Variants in DAB1 observed in about 807,000 individuals in gnomAD.
DAB1 encodes disabled homolog 1.
In DAB1, 15 loss-of-function variants were observed where a neutral mutation model predicts 64.6. The ratio of observed to expected loss-of-function variants is 0.23; its 90% CI spans 0.16 to 0.36. The LOEUF (loss-of-function observed/expected upper bound fraction) is 0.36, where lower values mean the gene tolerates loss of function less well. DAB1 is among the 10% of genes least tolerant of loss of function. The pLI, the probability that DAB1 is intolerant of heterozygous loss-of-function variation, is 1.00. For missense variants in DAB1, 596 were observed against 706.7 expected, an observed-to-expected ratio of 0.84 and a Z score of 1.78; for synonymous variants, 235 against 251.9, an observed-to-expected ratio of 0.93 and a Z score of 0.64.
At position 58,476,066 on chromosome 1, in the gene DAB1, C is replaced by T. The variant is rs138843686; in HGVS notation, n.257+29994G>A. 3.3e-5 allele frequency among the ~76,000 whole-genome samples: 5 copies of T among 152,142 alleles called. No individual in the cohort carries two copies. The East Asian group carries it at 9.7e-4, about 29-fold the overall frequency. On this transcript the variant is annotated intron_variant and non_coding_transcript_variant, in intron 3 of 20. Coordinates refer to the DAB1 transcript ENST00000485760. Reference sequence around the variant, plus strand: ...ATTCTGAAGGAAGAAAAAAACAAATCTGATTTTAGACCAATGCTGCCCAGG... The same window carrying T: ...ATTCTGAAGGAAGAAAAAAACAAATTTGATTTTAGACCAATGCTGCCCAGG...
At chr1:57,192,902 A>T (rs1232798947) in intron 2 of DAB1, among the ~76,000 whole-genome samples, 1 of 152,208 alleles carries the variant, frequency 6.6e-6, no homozygotes, top group Non-Finnish European at 1.5e-5. Flanking sequence ...TAATTCTAGA[A>T]CATTTCTTTT....
intron 5 of DAB1, among the ~76,000 whole-genome samples, chr1:58,029,440 G>C (rs1365516621): frequency 6.6e-6 from 1 of 152,326 alleles, no homozygotes; most frequent in East Asian, 1.9e-4. Context: ...GCATTATCCA[G>C]CAGTGCGGAT....
At chr1:57,583,967 T>C (rs1405354493) in intron 7 of DAB1, among the ~76,000 whole-genome samples, 1 of 152,166 alleles carries the variant, frequency 6.6e-6, no homozygotes, top group Non-Finnish European at 1.5e-5. Flanking sequence ...GTGAACTAAA[T>C]ATGGCCTGAG....
intron 1 of DAB1, among the ~76,000 whole-genome samples, chr1:57,361,779 G>C (rs1679572741): frequency 6.6e-6 from 1 of 152,122 alleles, no homozygotes; most frequent in African/African-American, 2.4e-5. Context: ...ACTAAACAGA[G>C]CTGCATCCGA....
At chr1:57,605,795 ATT>A (rs11327517) in intron 7 of DAB1, 4,885 of 330,680 alleles carry the variant, frequency 0.015, 3 homozygotes, top group Middle Eastern at 0.024. Flanking sequence ...CATGATTTGC[ATT>A]TTTTTTTTTA....
rs986173683 is a variant in DAB1 at position 58,357,316 on chromosome 1, G to C, written n.258-13913C>G. Among the ~76,000 whole-genome samples the C allele has an allele frequency of 2.0e-5, 3 of 152,246 alleles. No homozygotes were observed. The East Asian group carries it at 5.8e-4, about 29-fold the overall frequency. On this transcript the variant is annotated intron_variant and non_coding_transcript_variant, in intron 3 of 20. Transcript: ENST00000485760. ...TGCACCAAACTGGCTGATAAATTGA[G>C]TGCTGGGGGTGAGGAAAAGAGAAAA...
intron 7 of DAB1, among the ~76,000 whole-genome samples, chr1:57,536,897 G>C (rs1317963861): frequency 2.0e-5 from 3 of 152,114 alleles, no homozygotes; most frequent in Non-Finnish European, 4.4e-5. Flanking sequence ...ATGGGGAATT[G>C]TGCCATGTCA....
intron 4 of DAB1, among the ~76,000 whole-genome samples, chr1:58,178,341 T>C (rs1014420896): frequency 5.3e-5 from 8 of 152,084 alleles, no homozygotes; most frequent in Admixed American, 5.2e-4. Flanking sequence ...CATGCACATA[T>C]ACGCTATTAT....
chr1:57,593,684 C>T (rs74665232), intron 7 of DAB1, among the ~76,000 whole-genome samples: 1,919 of 152,268 alleles, frequency 0.013, 57 homozygotes, highest in African/African-American at 0.045. Flanking sequence ...AACTTCAGGA[C>T]AGCAGTGCCT....
At chr1:58,069,520 C>T (rs577545889) in intron 5 of DAB1, among the ~76,000 whole-genome samples, 1 of 152,078 alleles carries the variant, frequency 6.6e-6, no homozygotes, top group Admixed American at 6.6e-5. Flanking sequence ...GGCAATTGTC[C>T]CTATTTTAAA....
intron 2 of DAB1, among the ~76,000 whole-genome samples, chr1:57,154,884 C>T (rs1660060776): frequency 6.6e-6 from 1 of 152,098 alleles, no homozygotes; most frequent in Admixed American, 6.6e-5. Flanking sequence ...AATTTTTGAT[C>T]AGCTTACTAG....
At chr1:57,003,687 C>T (rs1423548690) in intron 14 of DAB1, among the ~76,000 whole-genome samples, 1 of 152,180 alleles carries the variant, frequency 6.6e-6, no homozygotes, top group African/African-American at 2.4e-5. Flanking sequence ...AAGCAATTAA[C>T]TCCCCATTCA....
chr1:57,070,987 C>G (rs1176997937), intron 7 of DAB1, 36 bp downstream of exon 7: 3 of 1,584,280 alleles, frequency 1.9e-6, no homozygotes, highest in Non-Finnish European at 1.7e-6. Context: ...TCTAGTCACT[C>G]TTGAATCTAA....
intron 4 of DAB1, among the ~76,000 whole-genome samples, chr1:58,251,152 G>C (rs1158762837): frequency 1.3e-5 from 2 of 152,330 alleles, no homozygotes; most frequent in Middle Eastern, 3.4e-3. Context: ...CACATGGTAA[G>C]TGATAGCAAA....
rs554342102 is a variant in DAB1, at chr1:57,409,004, G to A, written c.-137+14926C>T. Among the ~76,000 whole-genome samples, 5 of 152,256 alleles carry A rather than the reference G, an allele frequency of 3.3e-5. No homozygotes were observed. In the South Asian group the frequency reaches 6.2e-4, roughly 19 times the overall value. On this transcript the variant is annotated intron_variant, in intron 1 of 14. Coordinates refer to ENST00000371236, the MANE Select transcript of DAB1 (RefSeq NM_001365792.1). ...CTCCCTTTTTCTCTTTCTGCTTCACGGTAGCACCCCTAGACGTGGTGGAGT... is the reference window on the plus strand; with the variant it reads ...CTCCCTTTTTCTCTTTCTGCTTCACAGTAGCACCCCTAGACGTGGTGGAGT...
chr1:57,965,977 TTGA>T (rs1645654549), intron 5 of DAB1, among the ~76,000 whole-genome samples: 1 of 152,156 alleles, frequency 6.6e-6, no homozygotes. Context: ...TTATACTAAC[TTGA>T]TGAGCTAATG....
chr1:58,309,132 T>C (rs1466106125), intron 4 of DAB1, among the ~76,000 whole-genome samples: 1 of 152,182 alleles, frequency 6.6e-6, no homozygotes, highest in Non-Finnish European at 1.5e-5. Flanking sequence ...CGGATGATAT[T>C]GTTTCTTTGT....
rs372623523 is a variant in DAB1 at position 57,701,136 on chromosome 1, C to G, written n.552-51471G>C. On this transcript the variant is annotated intron_variant and non_coding_transcript_variant, in intron 6 of 20. Coordinates refer to the DAB1 transcript ENST00000485760. Reference sequence around the variant, plus strand: ...GTAAACTAGTTCAACCATTGTGGAACTCAGTGTGGTGACTCCTCAGGGATC... The same window carrying G: ...GTAAACTAGTTCAACCATTGTGGAAGTCAGTGTGGTGACTCCTCAGGGATC... Among the ~76,000 whole-genome samples, 18 of 152,084 alleles carry G rather than the reference C, an allele frequency of 1.2e-4. 1 individual carries two copies. Among genetic ancestry groups the G allele is most frequent in the East Asian group, 3.9e-4 (2 of 5,176 alleles).
chr1:57,957,600 C>G (rs759269594), intron 5 of DAB1, among the ~76,000 whole-genome samples: 1 of 152,096 alleles, frequency 6.6e-6, no homozygotes, highest in Non-Finnish European at 1.5e-5. Context: ...TTTAAAACTA[C>G]AAGACTGTAT....
Sources: gnomAD v4.1 joint callset for allele counts (sites outside exome capture counted in the v4.1 genomes callset) on GRCh38, gnomAD v4.1.1 for gene constraint, MANE v1.5 for transcripts, NCBI Gene and HGNC (gene_info 2026-07-23, HGNC 2026-07-21) for gene names.